Variants in VIT observed in about 807,000 individuals in gnomAD.
VIT encodes the protein vitrin.
A neutral mutation model predicts 78.0 loss-of-function variants in VIT; 99 were observed. That is an observed-to-expected ratio of 1.27 (90% CI 1.08 to 1.50). VIT has a LOEUF of 1.50. VIT is among the 40% of genes most tolerant of loss of function. The probability of loss-of-function intolerance (pLI) is 0.00; values close to 1 mark genes in which losing one functional copy is unlikely to be tolerated. For missense variants in VIT, 1,126 were observed against 875.3 expected, an observed-to-expected ratio of 1.29 and a Z score of -3.61; for synonymous variants, 374 against 334.3, an observed-to-expected ratio of 1.12 and a Z score of -1.29.
At chr2:36,794,670 T>C (rs1391151334) in intron 12 of VIT, among the ~76,000 whole-genome samples, 1 of 152,210 alleles carries the variant, frequency 6.6e-6, no homozygotes, top group Admixed American at 6.5e-5. Context: ...TTGATTACGT[T>C]TGCCTTTAAT....
intron 4 of VIT, among the ~76,000 whole-genome samples, chr2:36,746,018 G>C (rs1028911266): frequency 1.3e-5 from 2 of 152,094 alleles, no homozygotes; most frequent in African/African-American, 4.8e-5. Context: ...ATCATGAAAG[G>C]ATATTGGATC....
chr2:36,735,774 C>T (rs1667477084), intron 3 of VIT, among the ~76,000 whole-genome samples: 1 of 152,234 alleles, frequency 6.6e-6, no homozygotes, highest in Non-Finnish European at 1.5e-5. Context: ...GTCTCCATCA[C>T]TCTTTGGGCT....
Position 36,808,807 on chromosome 2 carries a change from C to A in VIT, c.1725C>A (p.Asn575Lys). The A allele has an allele frequency of 1.9e-6, 3 of 1,614,148 alleles. No homozygotes were observed. Among genetic ancestry groups the A allele is most frequent in the Non-Finnish European group, 1.7e-6 (2 of 1,179,992 alleles). ...DKYSSKPDIL[N>K]AIKRVGYWSG... The stretch of plus-strand genomic sequence containing the variant: ...ACAGCAGCAAGCCTGACATCCTCAA[C>A]GCCATCAAGAGGGTGGGCTACTGGA... The change falls in exon 15 of 16, where the codon AAC becomes AAA. Residue 575 changes from asparagine (N) to lysine (K), a missense_variant. Transcript: ENST00000379242.
chr2:36,787,969 T>C lies in VIT; in HGVS notation c.1058+693T>C, dbSNP rs559863202. 1.7e-3 allele frequency: 568 copies of C among 329,394 alleles called. 15 individuals carry two copies. The highest frequency in any genetic ancestry group is 0.013 in the South Asian group (552 of 42,022). The allele number at this position is 329,394 out of a possible 1,614,324, so 20.4% of individuals were successfully genotyped here. A position where few individuals can be genotyped will look rare whatever the true frequency, so the allele number is the denominator to read the frequency against. ...CCAGTCTCAATCTTTCATTTGGCGG[T>C]AATAAATCACTCTTATTTCAGATAT... On this transcript the variant is annotated intron_variant, in intron 12 of 15. Coordinates refer to ENST00000379242, the MANE Select transcript of VIT (RefSeq NM_053276.4).
chr2:36,702,221 T>G (rs12619567), intron 1 of VIT, among the ~76,000 whole-genome samples: 1 of 151,748 alleles, frequency 6.6e-6, no homozygotes, highest in Non-Finnish European at 1.5e-5. Context: ...GAGGCCAGTG[T>G]GTCTGCAGCA....
At chr2:36,778,245 C>T (rs1670188231) in intron 9 of VIT, among the ~76,000 whole-genome samples, 1 of 152,230 alleles carries the variant, frequency 6.6e-6, no homozygotes, top group South Asian at 2.1e-4. Flanking sequence ...ACAGGCCCCA[C>T]ACTCTCCTAC....
intron 7 of VIT, among the ~76,000 whole-genome samples, chr2:36,773,363 G>A (rs1394906260): frequency 1.4e-5 from 2 of 147,888 alleles, no homozygotes; most frequent in South Asian, 2.2e-4. Context: ...AGGCAGGTTT[G>A]GACTGCCCAA....
At chr2:36,809,747 T>C (rs1195593404) in intron 15 of VIT, among the ~76,000 whole-genome samples, 1 of 152,196 alleles carries the variant, frequency 6.6e-6, no homozygotes, top group Non-Finnish European at 1.5e-5. Context: ...AAAATAATGT[T>C]TTTAAAGACA....
At chr2:36,725,567 G>A (rs1351572248) in intron 2 of VIT, among the ~76,000 whole-genome samples, 1 of 121,008 alleles carries the variant, frequency 8.3e-6, no homozygotes, top group African/African-American at 3.1e-5. Flanking sequence ...CACACTGGGG[G>A]TTAGGATGTC....
At chr2:36,727,187 T>A (rs1053309661) in intron 2 of VIT, among the ~76,000 whole-genome samples, 6 of 151,502 alleles carry the variant, frequency 4.0e-5, no homozygotes, top group African/African-American at 1.5e-4. Flanking sequence ...GTGTCCTTCT[T>A]CTCCCTAGCC....
At chr2:36,727,901 T>C (rs1666950715) in intron 2 of VIT, among the ~76,000 whole-genome samples, 1 of 152,226 alleles carries the variant, frequency 6.6e-6, no homozygotes, top group South Asian at 2.1e-4. Context: ...GATTACTTGA[T>C]AACAAGTAAC....
At chr2:36,777,013 C>A (rs1418226479) in intron 9 of VIT, among the ~76,000 whole-genome samples, 2 of 146,970 alleles carry the variant, frequency 1.4e-5, no homozygotes, top group African/African-American at 2.4e-5. Context: ...GGCATGAACC[C>A]AGGAGGCGGA....
At chr2:36,802,421 G>A (rs1381251715) in intron 13 of VIT, among the ~76,000 whole-genome samples, 10 of 152,228 alleles carry the variant, frequency 6.6e-5, no homozygotes, top group Non-Finnish European at 1.2e-4. Flanking sequence ...GAATTGAGCT[G>A]TCTTTGAGGG....
intron 9 of VIT, 108 bp downstream of exon 9, chr2:36,775,175 C>A: frequency 8.0e-7 from 1 of 1,257,126 alleles, no homozygotes; most frequent in Non-Finnish European, 1.1e-6. Flanking sequence ...TGCAGCTCAA[C>A]TTCAGGTCAC....
At chr2:36,715,213 C>A (rs560594098) in intron 1 of VIT, among the ~76,000 whole-genome samples, 1 of 152,192 alleles carries the variant, frequency 6.6e-6, no homozygotes, top group African/African-American at 2.4e-5. Context: ...TGCACTTCAA[C>A]AAGAGCCCCA....
At chr2:36,729,170 T>C (rs1373606592) in intron 2 of VIT, among the ~76,000 whole-genome samples, 2 of 152,190 alleles carry the variant, frequency 1.3e-5, no homozygotes, top group Non-Finnish European at 1.5e-5. Flanking sequence ...ATAGACCATA[T>C]CATACAGCCT....
At chr2:36,758,703 G>A (rs907441300) in intron 5 of VIT, among the ~76,000 whole-genome samples, 2 of 152,184 alleles carry the variant, frequency 1.3e-5, no homozygotes, top group Non-Finnish European at 2.9e-5. Context: ...ACATCTTCAC[G>A]GGTGAAAGAA....
In VIT at chr2:36,776,860, A is replaced by T. The variant is rs555840318; in HGVS notation, c.802+1793A>T. 2.6e-5 allele frequency among the ~76,000 whole-genome samples: 4 copies of T among 151,138 alleles called. 1 individual carries two copies. The highest frequency in any genetic ancestry group is 5.9e-5 in the Non-Finnish European group (4 of 67,638). ...ATCCCAGCACTTTGGGAGGCCAAGG[A>T]GGGCAGATCACGAGGTCAGGAGATC... On this transcript the variant is annotated intron_variant, in intron 9 of 15. Transcript: ENST00000379242.
intron 3 of VIT, among the ~76,000 whole-genome samples, chr2:36,731,857 G>A (rs1032213039): frequency 6.6e-6 from 1 of 152,134 alleles, no homozygotes; most frequent in Non-Finnish European, 1.5e-5. Flanking sequence ...TTAAATTTAG[G>A]TACCTTGAAA....
Sources: allele counts gnomAD v4.1 joint callset (sites outside exome capture counted in the v4.1 genomes callset), GRCh38; gene constraint gnomAD v4.1.1; transcripts MANE v1.5; gene names NCBI Gene and HGNC (gene_info 2026-07-23, HGNC 2026-07-21).